Variants in RBMS3 observed in about 807,000 individuals in gnomAD.
RBMS3 encodes RNA-binding motif, single-stranded-interacting protein 3.
Under a neutral mutation model 66.8 loss-of-function variants are expected in RBMS3, and 27 were observed. The ratio of observed to expected loss-of-function variants is 0.40; its 90% CI spans 0.30 to 0.56. The LOEUF (loss-of-function observed/expected upper bound fraction) is 0.56. Among genes scored for constraint, RBMS3 ranks in the 20% least tolerant of loss-of-function variants. The pLI is 0.40. For missense variants in RBMS3, 513 were observed against 549.5 expected, an observed-to-expected ratio of 0.93 and a Z score of 0.66; for synonymous variants, 188 against 183.0, an observed-to-expected ratio of 1.03 and a Z score of -0.22.
chr3:29,913,002 T>A lies in RBMS3; in HGVS notation c.939+13247T>A, dbSNP rs2060552864. ...TTGGGATCTAGTAGTTCTGTGCTGT[T>A]GAGTGCTTGAGAGGCAAATTTCATC... On this transcript the variant is annotated intron_variant, in intron 10 of 14. Transcript: ENST00000383767. Among the ~76,000 whole-genome samples the A allele has an allele frequency of 4.6e-5, 7 of 151,870 alleles. No homozygotes were observed. In the Admixed American group the frequency reaches 4.6e-4, roughly 10 times the overall value.
chr3:29,561,347 C>G (rs1046111980), intron 3 of RBMS3, among the ~76,000 whole-genome samples: 23 of 152,304 alleles, frequency 1.5e-4, no homozygotes, highest in Non-Finnish European at 2.6e-4. Context: ...ACACTGTCTT[C>G]CATAATGGCT....
At position 29,889,089 on chromosome 3, in the gene RBMS3, G is replaced by C. The variant is rs557612321; in HGVS notation, c.791+4881G>C. ...ACAGAACAACACTCAAACTTCCCCA[G>C]ATAGTACGAACAGAACTTCATAATT... On this transcript the variant is annotated intron_variant, in intron 8 of 14. Coordinates refer to ENST00000383767, the MANE Select transcript of RBMS3 (RefSeq NM_001003793.3). Among the ~76,000 whole-genome samples the C allele has an allele frequency of 4.0e-5, 6 of 151,766 alleles. No individual in the cohort carries two copies. The East Asian group carries it at 9.7e-4, about 25-fold the overall frequency.
In RBMS3 at chr3:29,584,876, C is replaced by G. The variant is rs375938538; in HGVS notation, c.308-2238C>G. Among the ~76,000 whole-genome samples the G allele has an allele frequency of 3.9e-5, 6 of 152,204 alleles. No homozygotes were observed. In the South Asian group the frequency reaches 1.0e-3, roughly 26 times the overall value. On this transcript the variant is annotated intron_variant, in intron 3 of 14. Coordinates refer to ENST00000383767, the MANE Select transcript of RBMS3 (RefSeq NM_001003793.3). Reference sequence around the variant, plus strand: ...TCCCATTCTAGCTTCCCAGCTCCCCCGCAACATTGCAATCTCAATTTAAAA... The same window carrying G: ...TCCCATTCTAGCTTCCCAGCTCCCCGGCAACATTGCAATCTCAATTTAAAA...
chr3:29,300,220 T>G (rs2033578364), intron 1 of RBMS3, among the ~76,000 whole-genome samples: 1 of 152,006 alleles, frequency 6.6e-6, no homozygotes, highest in African/African-American at 2.4e-5. Context: ...CTTAGGGGAA[T>G]ATTACTGAAT....
intron 6 of RBMS3, among the ~76,000 whole-genome samples, chr3:29,784,959 A>G (rs1249785330): frequency 6.6e-6 from 1 of 152,088 alleles, no homozygotes; most frequent in Admixed American, 6.5e-5. Context: ...CTGAAAATAT[A>G]CAACCCTCCT....
chr3:29,833,754 G>A (rs2058433300), intron 6 of RBMS3, among the ~76,000 whole-genome samples: 2 of 152,096 alleles, frequency 1.3e-5, no homozygotes, highest in Admixed American at 1.3e-4. Context: ...AAAAGGAACA[G>A]AATTCTTATT....
At chr3:29,841,784 T>C (rs2058668740) in intron 6 of RBMS3, among the ~76,000 whole-genome samples, 1 of 152,104 alleles carries the variant, frequency 6.6e-6, no homozygotes, top group South Asian at 2.1e-4. Context: ...TGGAGTAATC[T>C]ATCAAAATAG....
intron 6 of RBMS3, chr3:29,766,442 T>C (rs2055932001): frequency 6.6e-6 from 1 of 152,012 alleles, no homozygotes; most frequent in Non-Finnish European, 1.5e-5. Flanking sequence ...CACATTTATG[T>C]TGCTGCCCCA....
chr3:29,773,219 G>A (rs955595627), intron 6 of RBMS3, among the ~76,000 whole-genome samples: 2 of 151,928 alleles, frequency 1.3e-5, no homozygotes, highest in Non-Finnish European at 1.5e-5. Flanking sequence ...CCCATGAAAC[G>A]GGGATTGTCC....
intron 1 of RBMS3, among the ~76,000 whole-genome samples, chr3:29,433,633 C>T (rs192209202): frequency 1.3e-5 from 2 of 152,182 alleles, no homozygotes; most frequent in African/African-American, 4.8e-5. Context: ...GTTAAGGCAC[C>T]ACTTAAAGGT....
intron 2 of RBMS3, among the ~76,000 whole-genome samples, chr3:29,469,933 A>G (rs142432914): frequency 1.2e-3 from 178 of 148,252 alleles, no homozygotes; most frequent in African/African-American, 4.2e-3. Flanking sequence ...ATGTATATAT[A>G]AATATATACA....
chr3:29,956,598 A>C (rs1044970711), intron 12 of RBMS3, among the ~76,000 whole-genome samples: 19 of 152,050 alleles, frequency 1.2e-4, no homozygotes, highest in African/African-American at 4.3e-4. Context: ...AAAGTGGGGG[A>C]GGTAATACTA....
intron 1 of RBMS3, among the ~76,000 whole-genome samples, chr3:29,393,404 T>C (rs1051752806): frequency 6.6e-6 from 1 of 152,154 alleles, no homozygotes; most frequent in Non-Finnish European, 1.5e-5. Context: ...AGCGATGGCT[T>C]AAGAGGTGTA....
intron 3 of RBMS3, among the ~76,000 whole-genome samples, chr3:29,569,759 A>G (rs2149064424): frequency 6.6e-6 from 1 of 152,332 alleles, no homozygotes; most frequent in East Asian, 1.9e-4. Flanking sequence ...CATTCTCTAA[A>G]GTCTAGGAGG....
intron 3 of RBMS3, among the ~76,000 whole-genome samples, chr3:29,541,698 C>T (rs1273970141): frequency 6.6e-6 from 1 of 152,200 alleles, no homozygotes; most frequent in Non-Finnish European, 1.5e-5. Context: ...AAAACAACTC[C>T]AGTGGCTTCC....
chr3:29,906,633 T>C (rs765480525), intron 10 of RBMS3, among the ~76,000 whole-genome samples: 2 of 152,154 alleles, frequency 1.3e-5, no homozygotes, highest in Non-Finnish European at 2.9e-5. Flanking sequence ...ACTAATTTTA[T>C]TCATTTAATT....
intron 7 of RBMS3, among the ~76,000 whole-genome samples, chr3:29,874,360 G>T (rs181715940): frequency 6.6e-6 from 1 of 152,078 alleles, no homozygotes; most frequent in Non-Finnish European, 1.5e-5. Flanking sequence ...TGGTAATACC[G>T]TCTAGGCTTA....
intron 10 of RBMS3, among the ~76,000 whole-genome samples, chr3:29,904,105 T>C (rs1384727765): frequency 6.6e-6 from 1 of 151,960 alleles, no homozygotes; most frequent in African/African-American, 2.4e-5. Flanking sequence ...CTGTAGAAAA[T>C]AGTCCTGGCT....
intron 1 of RBMS3, among the ~76,000 whole-genome samples, chr3:29,426,213 G>A (rs940570451): frequency 2.0e-5 from 3 of 152,154 alleles, no homozygotes; most frequent in Non-Finnish European, 4.4e-5. Context: ...TAAAAAATTA[G>A]TCAAATTAAA....
Sources: allele counts gnomAD v4.1 joint callset (sites outside exome capture counted in the v4.1 genomes callset), GRCh38; gene constraint gnomAD v4.1.1; transcripts MANE v1.5; gene names NCBI Gene and HGNC (gene_info 2026-07-23, HGNC 2026-07-21).